The following STON2 variants were observed in gnomAD, a reference collection of about 807,000 sequenced individuals.
The protein encoded by STON2 is stonin 2, also known as stonin-2.
In STON2, 29 loss-of-function variants were observed where a neutral mutation model predicts 65.7. The ratio of observed to expected loss-of-function variants is 0.44; its 90% CI spans 0.33 to 0.60. STON2 has a LOEUF of 0.60. Ranked by LOEUF, STON2 falls within the 20% of genes least tolerant of loss-of-function variation. The probability of loss-of-function intolerance (pLI) is 0.03; values close to 1 mark genes in which losing one functional copy is unlikely to be tolerated. For synonymous variants in STON2, 404 were observed against 414.2 expected (o/e 0.98, Z 0.30); for missense variants, 1,054 against 1,118.1 (o/e 0.94, Z 0.82).
chr14:81,307,534 G>C lies in STON2; in HGVS notation c.742+16483C>G, dbSNP rs552523965. ...CTGGTGTGTGATTTTGAATAGAAAA[G>C]CCTAGTTGAGCCTCAATCTTCTTGT... On this transcript the variant is annotated intron_variant, in intron 5 of 7. Transcript: ENST00000614646. Among the ~76,000 whole-genome samples, 46 of 152,280 alleles carry C rather than the reference G, an allele frequency of 3.0e-4. No homozygotes were observed. The South Asian group carries it at 7.9e-3, about 26-fold the overall frequency.
In STON2 at chr14:81,345,473, C is replaced by T. The variant is rs149354709; in HGVS notation, c.572-21286G>A. On this transcript the variant is annotated intron_variant, in intron 4 of 7. Transcript: ENST00000614646. ...TACTGACACCTTGGTCTTGGACTTCCGGACACAGAATTGTGAGAAAATAAA... is the reference window on the plus strand; with the variant it reads ...TACTGACACCTTGGTCTTGGACTTCTGGACACAGAATTGTGAGAAAATAAA... 5.5e-4 allele frequency among the ~76,000 whole-genome samples: 83 copies of T among 152,246 alleles called. No homozygotes were observed. In the East Asian group the frequency reaches 0.013, roughly 24 times the overall value.
intron 6 of STON2, among the ~76,000 whole-genome samples, chr14:81,276,289 T>C (rs1894815628): frequency 1.3e-5 from 2 of 152,266 alleles, no homozygotes; most frequent in Admixed American, 1.3e-4. Context: ...CATTCTTTTC[T>C]TTATATTTTG....
intron 4 of STON2, among the ~76,000 whole-genome samples, chr14:81,349,851 A>G (rs941746063): frequency 6.6e-6 from 1 of 152,190 alleles, no homozygotes; most frequent in African/African-American, 2.4e-5. Context: ...GGATGAACAG[A>G]TAAAGGAAAT....
At chr14:81,307,508 G>A (rs1896226608) in intron 5 of STON2, among the ~76,000 whole-genome samples, 1 of 152,188 alleles carries the variant, frequency 6.6e-6, no homozygotes, top group South Asian at 2.1e-4. Flanking sequence ...AATGTCACTG[G>A]CTGGTGTGTG....
At chr14:81,377,345 G>A (rs1236140421) in intron 3 of STON2, among the ~76,000 whole-genome samples, 1 of 152,148 alleles carries the variant, frequency 6.6e-6, no homozygotes, top group Non-Finnish European at 1.5e-5. Flanking sequence ...TGTACCAGTA[G>A]TTCATTCCTT....
At chr14:81,341,969 G>A (rs1897629645) in intron 4 of STON2, among the ~76,000 whole-genome samples, 2 of 152,160 alleles carry the variant, frequency 1.3e-5, no homozygotes, top group Admixed American at 1.3e-4. Context: ...CCTGTCTACA[G>A]CATCTGACTC....
chr14:81,407,229 T>C (rs1900914215), intron 2 of STON2, among the ~76,000 whole-genome samples: 1 of 152,224 alleles, frequency 6.6e-6, no homozygotes, highest in Admixed American at 6.5e-5. Flanking sequence ...CATTACTTTC[T>C]GACTTGTGTT....
At position 81,308,823 on chromosome 14, in the gene STON2, T is replaced by C. The variant is rs1175648304; in HGVS notation, c.742+15194A>G. On this transcript the variant is annotated intron_variant, in intron 5 of 7. Coordinates refer to ENST00000614646, the MANE Select transcript of STON2 (RefSeq NM_001394390.1). ...ATATATATATATATATATATATATATATGTGTGTGTGTGTATATATATATA... is the reference window on the plus strand; with the variant it reads ...ATATATATATATATATATATATATACATGTGTGTGTGTGTATATATATATA... Among the ~76,000 whole-genome samples the C allele has an allele frequency of 9.1e-4, 7 of 7,714 alleles. 1 individual carries two copies. The highest frequency in any genetic ancestry group is 4.8e-3 in the Admixed American group (3 of 620). 5.1% of individuals were successfully genotyped at this position (7,714 alleles called of 152,430 possible).
chr14:81,348,592 T>G (rs1897905354), intron 4 of STON2, among the ~76,000 whole-genome samples: 1 of 152,052 alleles, frequency 6.6e-6, no homozygotes, highest in South Asian at 2.1e-4. Flanking sequence ...TTAAAGAAAT[T>G]GAAGAGGACA....
intron 2 of STON2, among the ~76,000 whole-genome samples, chr14:81,424,369 G>A (rs985488584): frequency 4.6e-5 from 7 of 151,980 alleles, no homozygotes; most frequent in East Asian, 1.9e-4. Context: ...GCTTGAACAC[G>A]GGAAGCTGAG....
chr14:81,275,963 T>C (rs1034867487), intron 6 of STON2, among the ~76,000 whole-genome samples: 1 of 152,250 alleles, frequency 6.6e-6, no homozygotes, highest in Admixed American at 6.5e-5. Flanking sequence ...CCAAACCTTA[T>C]CCTTTTTGCT....
At chr14:81,302,452 T>C (rs1159151014) in intron 5 of STON2, among the ~76,000 whole-genome samples, 3 of 152,220 alleles carry the variant, frequency 2.0e-5, no homozygotes, top group African/African-American at 7.2e-5. Context: ...AGCAGGTTAG[T>C]GCTTCTGAAT....
intron 3 of STON2, among the ~76,000 whole-genome samples, chr14:81,373,576 C>T (rs921800449): frequency 6.6e-6 from 1 of 152,098 alleles, no homozygotes; most frequent in Non-Finnish European, 1.5e-5. Flanking sequence ...AAAGCTGCAA[C>T]CCCAAAAGAG....
intron 4 of STON2, among the ~76,000 whole-genome samples, chr14:81,358,434 T>C (rs61986575): frequency 0.013 from 1,973 of 152,170 alleles, 28 homozygotes; most frequent in Middle Eastern, 0.044. Flanking sequence ...GATCAAAGCA[T>C]ACCACTACAG....
chr14:81,419,063 T>C (rs1163785351), intron 2 of STON2, among the ~76,000 whole-genome samples: 1 of 151,066 alleles, frequency 6.6e-6, no homozygotes, highest in Non-Finnish European at 1.5e-5. Flanking sequence ...AAAAAAAAAC[T>C]CTCAACTTAA....
intron 5 of STON2, among the ~76,000 whole-genome samples, chr14:81,304,792 CCTTT>C (rs1364428516): frequency 6.6e-6 from 1 of 152,118 alleles, no homozygotes; most frequent in Admixed American, 6.6e-5. Flanking sequence ...GTTACTTTAG[CCTTT>C]CTTGTTATTC....
At chr14:81,269,337 C>A (rs1175674677) in intron 7 of STON2, 14 of 985,312 alleles carry the variant, frequency 1.4e-5, no homozygotes, top group Non-Finnish European at 1.7e-5. Flanking sequence ...TAGAAAACCT[C>A]CGAACTGATA....
intron 1 of STON2, among the ~76,000 whole-genome samples, chr14:81,429,318 T>C (rs889116672): frequency 6.6e-6 from 1 of 152,254 alleles, no homozygotes; most frequent in African/African-American, 2.4e-5. Flanking sequence ...GATTTCTGCA[T>C]GACTTTCAAC....
At chr14:81,377,270 C>T (rs796383164) in intron 3 of STON2, among the ~76,000 whole-genome samples, 56 of 152,290 alleles carry the variant, frequency 3.7e-4, no homozygotes, top group African/African-American at 1.2e-3. Context: ...ATGCATTATA[C>T]AACTTTTTAG....
Sources: gnomAD v4.1 joint callset for allele counts (sites outside exome capture counted in the v4.1 genomes callset) on GRCh38, gnomAD v4.1.1 for gene constraint, MANE v1.5 for transcripts, NCBI Gene and HGNC (gene_info 2026-07-23, HGNC 2026-07-21) for gene names.